RPH3A: variants seen among roughly 807,000 people sequenced by gnomAD.
RPH3A encodes the protein rabphilin 3A.
Under a neutral mutation model 102.2 loss-of-function variants are expected in RPH3A, and 48 were observed. The observed-to-expected ratio is 0.47, with a 90% confidence interval of 0.37 to 0.60. The LOEUF (loss-of-function observed/expected upper bound fraction) is 0.60. Among genes scored for constraint, RPH3A ranks in the 20% least tolerant of loss-of-function variants. The pLI is 0.00. For missense variants in RPH3A, 781 were observed against 910.1 expected, an observed-to-expected ratio of 0.86 and a Z score of 1.83; for synonymous variants, 310 against 324.3, an observed-to-expected ratio of 0.96 and a Z score of 0.47.
At chr12:112,709,528 T>C (rs1438481157) in intron 1 of RPH3A, among the ~76,000 whole-genome samples, 1 of 148,778 alleles carries the variant, frequency 6.7e-6, no homozygotes, top group African/African-American at 2.5e-5. Flanking sequence ...CCAGCCTGGG[T>C]GACAGAGCGA....
chr12:112,663,979 G>A (rs2040067694), intron 1 of RPH3A, among the ~76,000 whole-genome samples: 1 of 152,158 alleles, frequency 6.6e-6, no homozygotes, highest in Admixed American at 6.5e-5. Context: ...CTGGGTCTGG[G>A]TCAAAGGCCT....
intron 1 of RPH3A, among the ~76,000 whole-genome samples, chr12:112,774,371 T>A (rs2040949834): frequency 6.6e-6 from 1 of 152,178 alleles, no homozygotes; most frequent in Non-Finnish European, 1.5e-5. Flanking sequence ...CTAAAATATT[T>A]ATGGAAAGAG....
intron 1 of RPH3A, among the ~76,000 whole-genome samples, chr12:112,636,012 T>TAA (rs113676885): frequency 1.3e-5 from 2 of 151,570 alleles, no homozygotes; most frequent in Non-Finnish European, 2.9e-5. Flanking sequence ...AAACATTTAA[T>TAA]AAAAAAAAAT....
At chr12:112,629,575 C>T (rs2039789847) in intron 1 of RPH3A, among the ~76,000 whole-genome samples, 2 of 149,720 alleles carry the variant, frequency 1.3e-5, no homozygotes, top group African/African-American at 4.9e-5. Flanking sequence ...CTCCTGGGCT[C>T]AAGCAATCCT....
At chr12:112,776,873 CAAAAAAAAAAAAAAAAAAAAAAAAA>C (rs548377186) in intron 1 of RPH3A, among the ~76,000 whole-genome samples, 2 of 73,910 alleles carry the variant, frequency 2.7e-5, no homozygotes, top group Non-Finnish European at 5.0e-5. Flanking sequence ...GACTCCATCT[CAAAAAAAAAAAAAAAAAAAAAAAAA>C]AAAAAAAAAA....
chr12:112,666,945 A>G (rs2040087027), intron 1 of RPH3A, among the ~76,000 whole-genome samples: 1 of 152,134 alleles, frequency 6.6e-6, no homozygotes, highest in South Asian at 2.1e-4. Context: ...CACTGATCTG[A>G]TCCTGTGTAC....
intron 1 of RPH3A, among the ~76,000 whole-genome samples, chr12:112,589,914 C>T (rs1298718634): frequency 2.0e-5 from 3 of 152,092 alleles, no homozygotes; most frequent in Non-Finnish European, 2.9e-5. Context: ...GAAATTCTAT[C>T]TCTACTAAAA....
rs563388762 is a variant in RPH3A, at chr12:112,869,999, C to A, written c.756C>A (p.Asp252Glu). Residue 252 changes from aspartate to glutamate, a missense_variant, in exon 10 of 22, where the codon GAC becomes GAA. Physicochemically the swap from Asp to Glu is conservative, Grantham distance 45 (BLOSUM62 2). Around this residue, in one of 2 missense-constraint regions of RPH3A, gnomAD observed 730 missense variants for 810.0 expected, o/e 0.90. Coordinates refer to ENST00000389385, the MANE Select transcript of RPH3A (RefSeq NM_001143854.2). ...CTAGCCGAGATTCAGAGAGCTGGGA[C>A]CACAGTGGGGGTGCTGGAGACTCCA... ...SSSSRDSESW[D>E]HSGGAGDSSR... 3 of 1,613,958 alleles carry A rather than the reference C, an allele frequency of 1.9e-6. No individual in the cohort carries two copies. The East Asian group carries it at 6.7e-5, about 36-fold the overall frequency.
rs975011602 is a variant in RPH3A, at chr12:112,848,605, C to T, written c.230+763C>T. 3.3e-5 allele frequency among the ~76,000 whole-genome samples: 5 copies of T among 152,212 alleles called. 1 individual carries two copies. The South Asian group carries it at 1.0e-3, about 32-fold the overall frequency. Reference sequence around the variant, plus strand: ...GGATGACACATGCACAGTTCCTGACCCAGGCTCTGGTGACACTATGTGTTT... The same window carrying T: ...GGATGACACATGCACAGTTCCTGACTCAGGCTCTGGTGACACTATGTGTTT... On this transcript the variant is annotated intron_variant, in intron 5 of 21. Transcript: ENST00000389385.
chr12:112,775,464 G>C (rs906120343), intron 1 of RPH3A, among the ~76,000 whole-genome samples: 1 of 152,194 alleles, frequency 6.6e-6, no homozygotes, highest in Non-Finnish European at 1.5e-5. Context: ...TATGTCAGTA[G>C]AGAGAGATTA....
intron 1 of RPH3A, among the ~76,000 whole-genome samples, chr12:112,735,492 G>A (rs996958633): frequency 6.6e-6 from 1 of 152,196 alleles, no homozygotes; most frequent in African/African-American, 2.4e-5. Flanking sequence ...AATGCCCCAG[G>A]GCAGAGGTTT....
intron 14 of RPH3A, among the ~76,000 whole-genome samples, chr12:112,880,503 A>C (rs1364982697): frequency 1.3e-5 from 2 of 152,196 alleles, no homozygotes; most frequent in Non-Finnish European, 2.9e-5. Flanking sequence ...ACAGCTGGTA[A>C]GGGATGGAGC....
intron 1 of RPH3A, among the ~76,000 whole-genome samples, chr12:112,678,743 C>T (rs539438317): frequency 6.6e-6 from 1 of 152,020 alleles, no homozygotes; most frequent in Admixed American, 6.5e-5. Context: ...TCAGGTGTGG[C>T]GCTCAGAGGA....
chr12:112,577,257 A>G (rs894463455), intron 1 of RPH3A, among the ~76,000 whole-genome samples: 1 of 152,248 alleles, frequency 6.6e-6, no homozygotes, highest in Non-Finnish European at 1.5e-5. Flanking sequence ...CTTCTTGGTT[A>G]TATGGTAAAC....
At chr12:112,692,446 T>C (rs1484672702) in intron 1 of RPH3A, among the ~76,000 whole-genome samples, 2 of 152,148 alleles carry the variant, frequency 1.3e-5, no homozygotes, top group East Asian at 1.9e-4. Flanking sequence ...TTATTCTGTG[T>C]CAATTAAAAT....
intron 1 of RPH3A, among the ~76,000 whole-genome samples, chr12:112,688,098 T>C (rs1264855893): frequency 1.3e-5 from 2 of 152,192 alleles, no homozygotes; most frequent in African/African-American, 4.8e-5. Flanking sequence ...CCTGAAATCA[T>C]TTACATTGAA....
rs745758020 is a variant in RPH3A, at chr12:112,896,652, G to A, written c.1957G>A (p.Gly653Ser). 3.7e-6 allele frequency: 6 copies of A among 1,613,956 alleles called. No individual in the cohort carries two copies. The Admixed American group carries it at 6.7e-5, about 18-fold the overall frequency. Reference sequence around the variant, plus strand: ...CTATCTTCCCATTTATCCTCCAGGAGGCTGCCAGCTGGGGATCTCTGCCAA... The same window carrying A: ...CTATCTTCCCATTTATCCTCCAGGAAGCTGCCAGCTGGGGATCTCTGCCAA... ...DIGKSNDYIG[G>S]CQLGISAKGE... Residue 653 changes from glycine to serine, a missense_variant and splice_region_variant, in exon 22 of 22, where the codon GGC (glycine) becomes AGC (serine). Gly to Ser is a moderately conservative substitution (Grantham distance 56, BLOSUM62 0). This residue lies in a region of RPH3A where 51 missense variants were observed against 100.1 expected (regional missense o/e 0.51). Transcript: ENST00000389385.
intron 1 of RPH3A, among the ~76,000 whole-genome samples, chr12:112,577,447 G>A (rs2039367846): frequency 6.6e-6 from 1 of 152,170 alleles, no homozygotes; most frequent in Non-Finnish European, 1.5e-5. Context: ...AGCGTATAAT[G>A]AGCAGTGAGG....
intron 1 of RPH3A, among the ~76,000 whole-genome samples, chr12:112,696,686 C>T (rs1313402235): frequency 6.6e-6 from 1 of 152,134 alleles, no homozygotes; most frequent in Non-Finnish European, 1.5e-5. Context: ...AGAATTCCCC[C>T]ATCAAAAAGA....
Sources: gnomAD v4.1 joint callset for allele counts (sites outside exome capture counted in the v4.1 genomes callset) on GRCh38, gnomAD v4.1.1 for gene constraint, gnomAD v4.1.1 regional missense constraint, MANE v1.5 for transcripts, NCBI Gene and HGNC (gene_info 2026-07-23, HGNC 2026-07-21) for gene names.